The following ZNF277 variants were observed in gnomAD, a reference collection of about 807,000 sequenced individuals.
The protein encoded by ZNF277 is nuclear receptor-interacting factor 4.
ZNF277 carries 55 observed loss-of-function variants against 60.7 expected under a neutral mutation model. That is an observed-to-expected ratio of 0.91 (90% CI 0.73 to 1.13). The LOEUF is 1.13. Among genes scored for constraint, ZNF277 ranks in the 50% most tolerant of loss-of-function variants. ZNF277 has a pLI of 0.00. For missense variants in ZNF277, 510 were observed against 523.0 expected, an observed-to-expected ratio of 0.98 and a Z score of 0.24; for synonymous variants, 178 against 179.3, an observed-to-expected ratio of 0.99 and a Z score of 0.06.
chr7:112,299,966 A>T (rs1792438814), intron 4 of ZNF277, among the ~76,000 whole-genome samples: 2 of 150,700 alleles, frequency 1.3e-5, no homozygotes, highest in African/African-American at 5.0e-5. Context: ...GTTTGCTCTT[A>T]GTTCAAAATG....
At chr7:112,262,081 A>G (rs1162703950) in intron 1 of ZNF277, among the ~76,000 whole-genome samples, 2 of 151,660 alleles carry the variant, frequency 1.3e-5, no homozygotes, top group Non-Finnish European at 2.9e-5. Flanking sequence ...CTAACTCACT[A>G]TTTTCTATTT....
At chr7:112,309,930 T>G (rs908544249) in intron 4 of ZNF277, among the ~76,000 whole-genome samples, 3 of 152,034 alleles carry the variant, frequency 2.0e-5, no homozygotes, top group African/African-American at 7.2e-5. Context: ...TAGGATGAGA[T>G]CTGGGAGATT....
chr7:112,317,268 G>C (rs991847236), intron 4 of ZNF277, among the ~76,000 whole-genome samples: 1 of 151,976 alleles, frequency 6.6e-6, no homozygotes, highest in South Asian at 2.1e-4. Flanking sequence ...TAACAAACCT[G>C]CATGATCTGC....
intron 1 of ZNF277, among the ~76,000 whole-genome samples, chr7:112,239,714 A>G (rs183700548): frequency 5.0e-4 from 76 of 152,358 alleles, no homozygotes; most frequent in African/African-American, 1.8e-3. Context: ...TTAATGAACT[A>G]TAAGAAATCA....
chr7:112,318,093 A>T, intron 4 of ZNF277, 89 bp from the exon 5 acceptor site: 1 of 1,049,140 alleles, frequency 9.5e-7, no homozygotes, highest in South Asian at 1.4e-5. Context: ...TTATGCTTCC[A>T]GCCCAGTTTC....
rs535260271 is a variant in ZNF277, at chr7:112,234,796, C to T, written c.91+27989C>T. 8.7e-4 allele frequency among the ~76,000 whole-genome samples: 132 copies of T among 151,806 alleles called. 1 individual carries two copies. Among genetic ancestry groups the T allele is most frequent in the African/African-American group, 2.9e-3 (122 of 41,490 alleles). ...ATTTATTTTACATAGTATATATTTG[C>T]ATCTTAATATCCACTTATATCTAAT... On this transcript the variant is annotated intron_variant, in intron 1 of 11. Coordinates refer to ENST00000361822, the MANE Select transcript of ZNF277 (RefSeq NM_021994.3).
At position 112,296,283 on chromosome 7, in the gene ZNF277, T is replaced by A. The variant is rs981523469; in HGVS notation, c.437T>A (p.Leu146His). 5.7e-6 allele frequency: 9 copies of A among 1,591,528 alleles called. No individual in the cohort carries two copies. The highest frequency in any genetic ancestry group is 7.7e-6 in the Non-Finnish European group (9 of 1,169,518). ...LCDVLPEDRI[L>H]REELQKQRLR... ...GACGTTTTACCAGAAGATAGAATTC[T>A]TAGAGAAGAGCTTCAGAAACAGAGA... The change falls in exon 4 of 12, where the codon CTT becomes CAT. Residue 146 changes from leucine (L) to histidine (H), a missense_variant. Transcript: ENST00000361822.
chr7:112,273,412 A>G (rs1424933177), intron 1 of ZNF277, among the ~76,000 whole-genome samples: 1 of 152,180 alleles, frequency 6.6e-6, no homozygotes, highest in Non-Finnish European at 1.5e-5. Flanking sequence ...TCCAGGCCAC[A>G]TGGCCACTGC....
chr7:112,313,265 A>T (rs1247920726), intron 4 of ZNF277, among the ~76,000 whole-genome samples: 2 of 150,836 alleles, frequency 1.3e-5, no homozygotes, highest in Admixed American at 1.3e-4. Flanking sequence ...TTGTGCCCTT[A>T]AAAAGTATGT....
chr7:112,235,332 T>C (rs1218630003), intron 1 of ZNF277, among the ~76,000 whole-genome samples: 1 of 152,118 alleles, frequency 6.6e-6, no homozygotes, highest in African/African-American at 2.4e-5. Context: ...ATTGACATTT[T>C]GAACTGTCAA....
In ZNF277 at chr7:112,293,316, C is replaced by T. The variant is rs148628575; in HGVS notation, c.294-2553C>T. 2.1e-3 allele frequency among the ~76,000 whole-genome samples: 313 copies of T among 152,234 alleles called. 1 individual carries two copies. Among genetic ancestry groups the T allele is most frequent in the Non-Finnish European group, 4.0e-3 (270 of 68,002 alleles). ...CATTGGCCAGGCACAGTGGCTCTCA[C>T]CTGTAATCCCAGCACTTTGGGAGTC... On this transcript the variant is annotated intron_variant, in intron 2 of 11. Transcript: ENST00000361822.
chr7:112,320,892 T>A (rs1360405910), intron 5 of ZNF277, among the ~76,000 whole-genome samples: 1 of 151,242 alleles, frequency 6.6e-6, no homozygotes, highest in Non-Finnish European at 1.5e-5. Context: ...TTCTAGTGTA[T>A]GATTTTTAGT....
rs181525282 is a variant in ZNF277, at chr7:112,271,667, C to T, written c.92-15206C>T. On this transcript the variant is annotated intron_variant, in intron 1 of 11. Transcript: ENST00000361822. Reference sequence around the variant, plus strand: ...CAAACCACCTGCCTTAGCAGGCAGGCATGTAACTGGAAATGGAGGACATGA... The same window carrying T: ...CAAACCACCTGCCTTAGCAGGCAGGTATGTAACTGGAAATGGAGGACATGA... Among the ~76,000 whole-genome samples, 223 of 152,288 alleles carry T rather than the reference C, an allele frequency of 1.5e-3. 1 individual carries two copies. The highest frequency in any genetic ancestry group is 3.5e-3 in the Admixed American group (53 of 15,304).
At chr7:112,229,515 G>T (rs1480904952) in intron 1 of ZNF277, among the ~76,000 whole-genome samples, 1 of 152,198 alleles carries the variant, frequency 6.6e-6, no homozygotes, top group Admixed American at 6.5e-5. Context: ...ATATGGCCAT[G>T]TGGGTCTTTG....
chr7:112,331,780 AG>A (rs1458854025), intron 7 of ZNF277, among the ~76,000 whole-genome samples: 3 of 152,350 alleles, frequency 2.0e-5, no homozygotes, highest in East Asian at 3.9e-4. Context: ...CCAGTCTAAT[AG>A]GGAGTGGACT....
chr7:112,218,138 C>T (rs567835672), intron 1 of ZNF277, among the ~76,000 whole-genome samples: 1 of 152,186 alleles, frequency 6.6e-6, no homozygotes, highest in African/African-American at 2.4e-5. Context: ...TTTCAGTTCC[C>T]CTGTCTTGAT....
intron 1 of ZNF277, among the ~76,000 whole-genome samples, chr7:112,245,258 G>A (rs1013407349): frequency 9.2e-5 from 14 of 152,112 alleles, no homozygotes; most frequent in South Asian, 2.1e-4. Flanking sequence ...CAGTCAGCAC[G>A]TACATTGTTT....
At chr7:112,246,386 C>G (rs1791087169) in intron 1 of ZNF277, among the ~76,000 whole-genome samples, 1 of 152,098 alleles carries the variant, frequency 6.6e-6, no homozygotes, top group Non-Finnish European at 1.5e-5. Flanking sequence ...GAGCAAGACC[C>G]TATCTCAAAA....
rs536870923 is a variant in ZNF277, at chr7:112,337,674, G to A, written c.870-56G>A. The A allele has an allele frequency of 3.4e-5, 51 of 1,485,042 alleles. No individual in the cohort carries two copies. In the Middle Eastern group the frequency reaches 7.0e-4, roughly 20 times the overall value. 92.0% of individuals were successfully genotyped at this position (1,485,042 alleles called of 1,614,324 possible). A position where few individuals can be genotyped will look rare whatever the true frequency, so the allele number is the denominator to read the frequency against. ...GAAAGCAATACCAAGTCACTGTGTA[G>A]TATACTCTCTTAATGAAGGGAATCT... On this transcript the variant is annotated intron_variant, in intron 8 of 11. Coordinates refer to ENST00000361822, the MANE Select transcript of ZNF277 (RefSeq NM_021994.3).
Sources: allele counts gnomAD v4.1 joint callset (sites outside exome capture counted in the v4.1 genomes callset), GRCh38; gene constraint gnomAD v4.1.1; transcripts MANE v1.5; gene names NCBI Gene and HGNC (gene_info 2026-07-23, HGNC 2026-07-21).